The following XKR6 variants were observed in gnomAD, a reference collection of about 807,000 sequenced individuals.
XKR6 encodes XK-related protein 6.
A neutral mutation model predicts 56.7 loss-of-function variants in XKR6; 22 were observed. The observed-to-expected ratio is 0.39, with a 90% CI of 0.28 to 0.55. The LOEUF is 0.55. Among genes scored for constraint, XKR6 ranks in the 20% least tolerant of loss-of-function variants. The probability of loss-of-function intolerance (pLI) is 0.66; values close to 1 mark genes in which losing one functional copy is unlikely to be tolerated. For synonymous variants in XKR6, 524 were observed against 387.8 expected (o/e 1.35, Z -4.13); for missense variants, 852 against 889.0 (o/e 0.96, Z 0.53).
At chr8:11,094,501 T>C (rs142709139) in intron 1 of XKR6, among the ~76,000 whole-genome samples, 246 of 152,312 alleles carry the variant, frequency 1.6e-3, no homozygotes, top group Non-Finnish European at 2.9e-3. Flanking sequence ...TTATCTACTT[T>C]TCATTTGGGG....
chr8:11,131,896 T>C (rs1311879322), intron 1 of XKR6, among the ~76,000 whole-genome samples: 1 of 152,202 alleles, frequency 6.6e-6, no homozygotes, highest in Non-Finnish European at 1.5e-5. Context: ...CTATACCATC[T>C]AGGTTTGTGT....
At position 11,191,922 on chromosome 8, in the gene XKR6, A is replaced by G. The variant is rs374864505; in HGVS notation, c.764+8654T>C. 9.5e-4 allele frequency among the ~76,000 whole-genome samples: 145 copies of G among 152,304 alleles called. 3 individuals are homozygous for G. In the South Asian group the frequency reaches 0.029, roughly 31 times the overall value. ...TTCTTAGGTGCAATAATAATATTGT[A>G]GCTTTGTAGAATGATTCTAAACATT... On this transcript the variant is annotated intron_variant, in intron 1 of 2. Transcript: ENST00000416569.
chr8:10,961,014 G>A (rs35027032), intron 1 of XKR6, among the ~76,000 whole-genome samples: 1 of 151,902 alleles, frequency 6.6e-6, no homozygotes, highest in East Asian at 1.9e-4. Context: ...GAGTGAGGAG[G>A]AACCAGCCAG....
intron 1 of XKR6, among the ~76,000 whole-genome samples, chr8:11,012,412 G>A (rs1798521270): frequency 6.6e-6 from 1 of 152,216 alleles, no homozygotes; most frequent in Admixed American, 6.5e-5. Context: ...TACATGTAAA[G>A]TGTTCATAAC....
At chr8:10,992,395 C>T (rs1324732705) in intron 1 of XKR6, among the ~76,000 whole-genome samples, 2 of 152,068 alleles carry the variant, frequency 1.3e-5, no homozygotes, top group East Asian at 1.9e-4. Flanking sequence ...CTGACTGTGC[C>T]AGATCTCTGT....
chr8:10,960,983 G>A (rs775478895), intron 1 of XKR6, among the ~76,000 whole-genome samples: 1 of 152,174 alleles, frequency 6.6e-6, no homozygotes, highest in Non-Finnish European at 1.5e-5. Flanking sequence ...GGTAGGGCCA[G>A]GAGCATTTGT....
intron 2 of XKR6, among the ~76,000 whole-genome samples, chr8:10,916,541 G>T (rs1800568801): frequency 6.6e-6 from 1 of 152,188 alleles, no homozygotes; most frequent in Admixed American, 6.5e-5. Context: ...AAGAGAGGAG[G>T]CCATTCAACT....
At chr8:11,139,148 G>A (rs1234127458) in intron 1 of XKR6, among the ~76,000 whole-genome samples, 5 of 152,082 alleles carry the variant, frequency 3.3e-5, no homozygotes, top group African/African-American at 9.7e-5. Flanking sequence ...TTACTCTCTT[G>A]GCCTCCACAA....
chr8:11,145,572 AAACT>A (rs1245378259), intron 1 of XKR6, among the ~76,000 whole-genome samples: 1 of 152,244 alleles, frequency 6.6e-6, no homozygotes, highest in Non-Finnish European at 1.5e-5. Flanking sequence ...CTATAAAAAT[AAACT>A]AACAAAAATA....
chr8:11,009,418 G>T (rs980995866), intron 1 of XKR6, among the ~76,000 whole-genome samples: 2 of 152,166 alleles, frequency 1.3e-5, no homozygotes, highest in Admixed American at 6.5e-5. Flanking sequence ...GGCTGAGGTG[G>T]CAGGATCACC....
chr8:10,984,001 C>A (rs1797795450), intron 1 of XKR6, among the ~76,000 whole-genome samples: 1 of 151,950 alleles, frequency 6.6e-6, no homozygotes, highest in Non-Finnish European at 1.5e-5. Context: ...CATCAAACTC[C>A]CCAAAATAAA....
In XKR6 at chr8:11,200,656, C is replaced by T; in HGVS notation, c.684G>A (p.Pro228=). The T allele has an allele frequency of 6.4e-7, 1 of 1,553,012 alleles. No homozygotes were observed. Among genetic ancestry groups the T allele is most frequent in the East Asian group, 2.4e-5 (1 of 41,674 alleles). ...AGAGGCGACACAGGCGCTGCGCCCCCGGCGTGGGGGAGACCCTCACGCCTG... is the reference window on the plus strand; with the variant it reads ...AGAGGCGACACAGGCGCTGCGCCCCTGGCGTGGGGGAGACCCTCACGCCTG... ...GGPGVRVSPT[P]GAQRLCRLSV... Residue 228 remains proline (P), a synonymous_variant, in exon 1 of 3, where the codon CCG becomes CCA. Transcript: ENST00000416569. This position sits in a 1 kb window ranked among gnomAD's most constrained non-coding sequence, Gnocchi z 6.4.
chr8:11,035,920 T>C (rs1296102677), intron 1 of XKR6, among the ~76,000 whole-genome samples: 3 of 151,526 alleles, frequency 2.0e-5, no homozygotes, highest in Middle Eastern at 3.4e-3. Flanking sequence ...GAAATCTGAG[T>C]TGAGTTACCT....
chr8:10,949,548 G>C (rs1801656651), intron 1 of XKR6, among the ~76,000 whole-genome samples: 1 of 152,378 alleles, frequency 6.6e-6, no homozygotes, highest in South Asian at 2.1e-4. Context: ...GGGCAGGGAG[G>C]CCTCCGATGT....
chr8:11,125,654 C>T (rs1053842295), intron 1 of XKR6: 9 of 152,140 alleles, frequency 5.9e-5, no homozygotes, highest in African/African-American at 1.9e-4. Context: ...TTTCCCTGTT[C>T]CTTAATTGCA....
At chr8:10,911,174 T>A (rs1227759008) in intron 2 of XKR6, among the ~76,000 whole-genome samples, 1 of 150,758 alleles carries the variant, frequency 6.6e-6, no homozygotes, top group East Asian at 1.9e-4. Context: ...ATTTTGAGTA[T>A]ATATACATAT....
At chr8:11,181,013 G>A (rs972387255) in intron 1 of XKR6, among the ~76,000 whole-genome samples, 1 of 152,172 alleles carries the variant, frequency 6.6e-6, no homozygotes, top group African/African-American at 2.4e-5. Context: ...GACCCACAAG[G>A]CTTCATACTT....
chr8:11,044,842 A>G (rs1799368857), intron 1 of XKR6, among the ~76,000 whole-genome samples: 1 of 151,126 alleles, frequency 6.6e-6, no homozygotes, highest in Non-Finnish European at 1.5e-5. Flanking sequence ...CTGGTCTTGA[A>G]CTCCTGACCT....
intron 1 of XKR6, among the ~76,000 whole-genome samples, chr8:11,011,715 A>G (rs1403982549): frequency 6.6e-6 from 1 of 152,224 alleles, no homozygotes; most frequent in African/African-American, 2.4e-5. Context: ...CGATGCGGGA[A>G]GGCCTCAAAA....
Sources: allele counts gnomAD v4.1 joint callset (sites outside exome capture counted in the v4.1 genomes callset), GRCh38; gene constraint gnomAD v4.1.1; non-coding constraint Gnocchi (gnomAD v3.1); transcripts MANE v1.5; gene names NCBI Gene and HGNC (gene_info 2026-07-23, HGNC 2026-07-21).